SOS1: variants seen among roughly 807,000 people sequenced by gnomAD.
The protein encoded by SOS1 is SOS Ras/Rac guanine nucleotide exchange factor 1.
In SOS1, 25 loss-of-function variants were observed where a neutral mutation model predicts 157.6. The observed-to-expected ratio is 0.16, with a 90% CI of 0.12 to 0.22. The LOEUF (loss-of-function observed/expected upper bound fraction) is 0.22. Among genes scored for constraint, SOS1 ranks in the 10% least tolerant of loss-of-function variants. SOS1 has a pLI of 1.00. For missense variants in SOS1, 1,237 were observed against 1,599.1 expected (o/e 0.77, Z 3.86); for synonymous variants, 528 against 534.0 (o/e 0.99, Z 0.16).
chr2:39,119,245 C>T (rs1673773672), intron 1 of SOS1, among the ~76,000 whole-genome samples: 1 of 152,142 alleles, frequency 6.6e-6, no homozygotes, highest in African/African-American at 2.4e-5. Context: ...TAGTCAGACA[C>T]TTGAAGGGGA....
intron 15 of SOS1, among the ~76,000 whole-genome samples, chr2:39,007,986 C>A (rs577469462): frequency 2.6e-5 from 4 of 152,234 alleles, no homozygotes; most frequent in African/African-American, 9.6e-5. Context: ...TCCCTTCTTT[C>A]TCCCAGCTCA....
At chr2:39,117,201 G>A (rs1159908751) in intron 1 of SOS1, among the ~76,000 whole-genome samples, 1 of 151,912 alleles carries the variant, frequency 6.6e-6, no homozygotes, top group East Asian at 1.9e-4. Context: ...GCTAATTTTT[G>A]TATTTTTTAG....
chr2:39,040,136 C>T (rs182088300), intron 6 of SOS1, among the ~76,000 whole-genome samples: 2 of 151,816 alleles, frequency 1.3e-5, no homozygotes, highest in Admixed American at 6.5e-5. Flanking sequence ...CTCAGCCTCC[C>T]GAGTAGCTGG....
Position 38,997,310 on chromosome 2 carries a change from T to G in SOS1, c.2907A>C (p.Gly969=). 1 of 1,613,148 alleles carries G rather than the reference T, an allele frequency of 6.2e-7. No individual in the cohort carries two copies. The highest frequency in any genetic ancestry group is 1.3e-5 in the African/African-American group (1 of 75,030). The change falls in exon 18 of 23, where the codon GGA becomes GGC. Residue 969 remains glycine (G), a synonymous_variant. Coordinates refer to ENST00000402219, the MANE Select transcript of SOS1 (RefSeq NM_005633.4). The stretch of plus-strand genomic sequence containing the variant: ...GCTGATTTTGGTACTGCTGGATCTC[T>G]CCTGTTATTTCTGCTACTTTCCTCC... ...SKRRKVAEIT[G]EIQQYQNQPY... is the part of the protein sequence containing the mutation.
intron 14 of SOS1, among the ~76,000 whole-genome samples, chr2:39,011,304 T>C (rs1205418951): frequency 6.6e-6 from 1 of 152,208 alleles, no homozygotes; most frequent in African/African-American, 2.4e-5. Context: ...CTCCATAATA[T>C]CTTTCCCAGC....
chr2:39,047,408 T>C (rs1339163529), intron 6 of SOS1, among the ~76,000 whole-genome samples: 1 of 152,294 alleles, frequency 6.6e-6, no homozygotes, highest in South Asian at 2.1e-4. Context: ...ACAGGGTACA[T>C]TGTATACTTA....
At chr2:39,009,247 A>G (rs1669382513) in intron 15 of SOS1, among the ~76,000 whole-genome samples, 1 of 152,156 alleles carries the variant, frequency 6.6e-6, no homozygotes. Context: ...TCAATAGTAT[A>G]TTTGAACTGA....
chr2:39,018,295 C>T (rs1209791347), intron 10 of SOS1, among the ~76,000 whole-genome samples: 1 of 151,812 alleles, frequency 6.6e-6, no homozygotes, highest in African/African-American at 2.4e-5. Flanking sequence ...ATATGGTCAA[C>T]AACCAAAACT....
chr2:39,103,821 G>A (rs547082695), intron 1 of SOS1, among the ~76,000 whole-genome samples: 1 of 152,238 alleles, frequency 6.6e-6, no homozygotes, highest in Admixed American at 6.5e-5. Context: ...AAAAACTTTC[G>A]TTCATCAGAG....
At chr2:39,040,073 G>A (rs1670511222) in intron 6 of SOS1, among the ~76,000 whole-genome samples, 3 of 151,782 alleles carry the variant, frequency 2.0e-5, no homozygotes, top group Admixed American at 1.3e-4. Context: ...GTGCAGTGGC[G>A]TGACCTCGGC....
intron 1 of SOS1, among the ~76,000 whole-genome samples, chr2:39,093,139 A>G (rs1257814735): frequency 1.3e-5 from 2 of 152,228 alleles, no homozygotes; most frequent in East Asian, 3.8e-4. Flanking sequence ...TAACCTTCCA[A>G]TGATCTTGAA....
At chr2:39,079,101 A>G (rs1672116435) in intron 1 of SOS1, among the ~76,000 whole-genome samples, 1 of 1,976 alleles carries the variant, frequency 5.1e-4, no homozygotes, top group Non-Finnish European at 1.2e-3. Context: ...GAGGACTGCT[A>G]CATTATAGAA....
chr2:39,073,204 A>G (rs1671847004), intron 1 of SOS1, among the ~76,000 whole-genome samples: 5 of 152,352 alleles, frequency 3.3e-5, no homozygotes, highest in Admixed American at 2.0e-4. Flanking sequence ...GGCAGTCTTC[A>G]GAAGCCATGT....
At position 38,985,796 on chromosome 2, in the gene SOS1, G is replaced by T. The variant is rs2124453818; in HGVS notation, c.*28C>A. ...TTGCCAGCAATGGATTTGGGGCTAG[G>T]AAAATATACATCCCAGTACAGAGGA... On this transcript the variant is annotated 3_prime_UTR_variant, in exon 23 of 23. Transcript: ENST00000402219. The T allele has an allele frequency of 1.2e-6, 2 of 1,613,354 alleles. No individual in the cohort carries two copies. Among genetic ancestry groups the T allele is most frequent in the East Asian group, 2.2e-5 (1 of 44,872 alleles).
intron 2 of SOS1, among the ~76,000 whole-genome samples, chr2:39,064,492 G>A (rs563508849): frequency 6.1e-4 from 92 of 152,044 alleles, no homozygotes; most frequent in Middle Eastern, 6.8e-3. Context: ...CACTTACAAA[G>A]CTTTGTATTA....
intron 18 of SOS1, 81 bp downstream of exon 18, chr2:38,997,172 C>T: frequency 8.4e-7 from 1 of 1,197,502 alleles, no homozygotes. Flanking sequence ...TACTTTTTCT[C>T]CCCTATAAAA....
chr2:39,124,464 C>G (rs1028716044), upstream of SOS1: 14 of 152,298 alleles, frequency 9.2e-5, no homozygotes, highest in Non-Finnish European at 1.9e-4. Context: ...TAGCCGAGTT[C>G]CGAGCGCGGC....
At chr2:39,053,160 A>C (rs1671081685) in intron 5 of SOS1, among the ~76,000 whole-genome samples, 1 of 152,224 alleles carries the variant, frequency 6.6e-6, no homozygotes. Context: ...CTCAAGAAAA[A>C]AAAAAGAGAG....
intron 10 of SOS1, among the ~76,000 whole-genome samples, chr2:39,019,769 T>C (rs1412110576): frequency 2.0e-5 from 3 of 151,622 alleles, no homozygotes; most frequent in Non-Finnish European, 4.4e-5. Flanking sequence ...CCAGTATCTA[T>C]ACATAAAAAA....
Sources: gnomAD v4.1 joint callset for allele counts (sites outside exome capture counted in the v4.1 genomes callset) on GRCh38, gnomAD v4.1.1 for gene constraint, MANE v1.5 for transcripts, NCBI Gene and HGNC (gene_info 2026-07-23, HGNC 2026-07-21) for gene names.